SPECC1L: variants seen among roughly 807,000 people sequenced by gnomAD.
The protein encoded by SPECC1L is sperm antigen with calponin homology and coiled-coil domains 1 like, also known as cytospin-A.
A neutral mutation model predicts 116.8 loss-of-function variants in SPECC1L; 40 were observed. The observed-to-expected ratio is 0.34, with a 90% CI of 0.27 to 0.45. The LOEUF (loss-of-function observed/expected upper bound fraction) is 0.45. Among genes scored for constraint, SPECC1L ranks in the 20% least tolerant of loss-of-function variants. The probability of loss-of-function intolerance (pLI) is 1.00; values close to 1 mark genes in which losing one functional copy is unlikely to be tolerated. For synonymous variants in SPECC1L, 504 were observed against 500.6 expected, an observed-to-expected ratio of 1.01 and a Z score of -0.09; for missense variants, 1,110 against 1,373.6, an observed-to-expected ratio of 0.81 and a Z score of 3.03.
intron 14 of SPECC1L, among the ~76,000 whole-genome samples, chr22:24,404,985 T>C (rs1430712466): frequency 6.6e-6 from 1 of 152,172 alleles, no homozygotes. Context: ...AGGTTCCCCA[T>C]TACTGTTAGT....
chr22:24,386,586 T>C (rs2042164686), intron 14 of SPECC1L, among the ~76,000 whole-genome samples: 1 of 151,518 alleles, frequency 6.6e-6, no homozygotes, highest in African/African-American at 2.4e-5. Context: ...AGGATCTAAT[T>C]ATTATTATTG....
At chr22:24,350,140 T>A (rs1048067685) in intron 11 of SPECC1L, among the ~76,000 whole-genome samples, 1 of 152,100 alleles carries the variant, frequency 6.6e-6, no homozygotes, top group Non-Finnish European at 1.5e-5. Context: ...ACCCTCTGCC[T>A]GGAACACTGC....
chr22:24,394,369 G>A (rs1349763133), intron 14 of SPECC1L, among the ~76,000 whole-genome samples: 1 of 152,182 alleles, frequency 6.6e-6, no homozygotes, highest in Non-Finnish European at 1.5e-5. Context: ...GAATGAGAGA[G>A]CTGTCTGGGG....
chr22:24,412,447 G>C, intron 15 of SPECC1L: 1 of 653,156 alleles, frequency 1.5e-6, no homozygotes, highest in Non-Finnish European at 2.8e-6. Context: ...ACTGCAGCAG[G>C]TCAGGAGGGG....
rs762663014 is a variant in SPECC1L at position 24,323,325 on chromosome 22, T to C, written c.1938+407T>C. ...CATCAGCAGTGCATGTTTCCTCTTATCTTGCTATAGTAATAGTTTTTCAAA... is the reference window on the plus strand; with the variant it reads ...CATCAGCAGTGCATGTTTCCTCTTACCTTGCTATAGTAATAGTTTTTCAAA... On this transcript the variant is annotated intron_variant, in intron 5 of 16. Coordinates refer to ENST00000314328, the MANE Select transcript of SPECC1L (RefSeq NM_015330.6). 5.9e-5 allele frequency among the ~76,000 whole-genome samples: 9 copies of C among 152,324 alleles called. No homozygotes were observed. The South Asian group carries it at 1.0e-3, about 18-fold the overall frequency.
At chr22:24,355,441 G>A (rs2041512398) in intron 11 of SPECC1L, among the ~76,000 whole-genome samples, 1 of 151,980 alleles carries the variant, frequency 6.6e-6, no homozygotes, top group South Asian at 2.1e-4. Context: ...CTGTCTGTCT[G>A]TCTACCTACC....
chr22:24,407,520 G>C (rs1385850826), intron 14 of SPECC1L, among the ~76,000 whole-genome samples: 1 of 152,208 alleles, frequency 6.6e-6, no homozygotes, highest in Non-Finnish European at 1.5e-5. Flanking sequence ...AGCTGCCTGC[G>C]TTTCAGGGAG....
intron 14 of SPECC1L, among the ~76,000 whole-genome samples, chr22:24,405,421 G>C (rs1338330303): frequency 2.0e-5 from 3 of 151,928 alleles, no homozygotes; most frequent in Non-Finnish European, 4.4e-5. Flanking sequence ...CAGGAGCAGG[G>C]CTCCAGGTAG....
chr22:24,291,464 ATGT>A (rs1426897078), intron 2 of SPECC1L, among the ~76,000 whole-genome samples: 3 of 152,090 alleles, frequency 2.0e-5, no homozygotes, highest in Non-Finnish European at 4.4e-5. Context: ...CCATAAGCTA[ATGT>A]TGTTTGTTGA....
In SPECC1L at chr22:24,321,517, T is replaced by C; in HGVS notation, c.537T>C (p.Ala179=). Residue 179 remains alanine, a synonymous_variant, in exon 5 of 17, where the codon GCT becomes GCC. Coordinates refer to ENST00000314328, the MANE Select transcript of SPECC1L (RefSeq NM_015330.6). ...CAGACAATCAGATCAGTGACAGAGC[T>C]GCTTTGGAGGCCAAAGTGAAGGATC... ...SKSDNQISDR[A]ALEAKVKDLL... The C allele has an allele frequency of 6.2e-7, 1 of 1,614,244 alleles. No individual in the cohort carries two copies. The highest frequency in any genetic ancestry group is 8.5e-7 in the Non-Finnish European group (1 of 1,180,044).
chr22:24,401,315 A>G (rs555164028), intron 14 of SPECC1L, among the ~76,000 whole-genome samples: 19 of 152,254 alleles, frequency 1.2e-4, no homozygotes, highest in African/African-American at 4.6e-4. Context: ...TTCCTTCCCC[A>G]TCCTGTTGTC....
At chr22:24,286,380 A>G (rs546874448) in intron 2 of SPECC1L, among the ~76,000 whole-genome samples, 106 of 152,328 alleles carry the variant, frequency 7.0e-4, no homozygotes, top group Middle Eastern at 3.4e-3. Flanking sequence ...GTTATGTTAT[A>G]TTGACATTCT....
chr22:24,312,973 G>A (rs2040490855), intron 3 of SPECC1L, among the ~76,000 whole-genome samples: 1 of 152,190 alleles, frequency 6.6e-6, no homozygotes, highest in African/African-American at 2.4e-5. Context: ...TCTAGAAATT[G>A]CAAGATGACA....
chr22:24,275,727 G>A (rs2048824629), intron 1 of SPECC1L, among the ~76,000 whole-genome samples: 3 of 152,094 alleles, frequency 2.0e-5, no homozygotes, highest in Admixed American at 6.5e-5. Flanking sequence ...ATTTTTAGTT[G>A]TTTTCAGAGA....
chr22:24,277,974 G>C (rs1389403560), intron 2 of SPECC1L, among the ~76,000 whole-genome samples: 1 of 152,220 alleles, frequency 6.6e-6, no homozygotes, highest in Non-Finnish European at 1.5e-5. Context: ...ATGTTCTCCA[G>C]AGCTGTACCA....
chr22:24,351,750 G>T (rs1229794434), intron 11 of SPECC1L, among the ~76,000 whole-genome samples: 1 of 152,250 alleles, frequency 6.6e-6, no homozygotes, highest in Non-Finnish European at 1.5e-5. Context: ...TGTGATGAGA[G>T]TAGGATTTCT....
chr22:24,374,330 T>G (rs1295481628), intron 14 of SPECC1L, among the ~76,000 whole-genome samples: 1 of 152,046 alleles, frequency 6.6e-6, no homozygotes, highest in Non-Finnish European at 1.5e-5. Context: ...CACGTATGTT[T>G]ATTGCAGCAC....
intron 14 of SPECC1L, among the ~76,000 whole-genome samples, chr22:24,409,387 A>G (rs1217041838): frequency 6.6e-6 from 1 of 152,202 alleles, no homozygotes; most frequent in African/African-American, 2.4e-5. Context: ...GTGTCTGCAT[A>G]AAGTGTGAAT....
chr22:24,360,124 A>G (rs950530572), intron 11 of SPECC1L, among the ~76,000 whole-genome samples: 4 of 152,254 alleles, frequency 2.6e-5, no homozygotes, highest in African/African-American at 9.6e-5. Flanking sequence ...TGGCAATAGA[A>G]TAGAATCTGT....
Sources: gnomAD v4.1 joint callset for allele counts (sites outside exome capture counted in the v4.1 genomes callset) on GRCh38, gnomAD v4.1.1 for gene constraint, MANE v1.5 for transcripts, NCBI Gene and HGNC (gene_info 2026-07-23, HGNC 2026-07-21) for gene names.